Variants in ZDHHC14 observed in about 807,000 individuals in gnomAD.
ZDHHC14 encodes palmitoyltransferase ZDHHC14.
ZDHHC14 carries 16 observed loss-of-function variants against 47.7 expected under a neutral mutation model. The observed-to-expected ratio is 0.34, with a 90% CI of 0.23 to 0.51. The LOEUF (loss-of-function observed/expected upper bound fraction) is 0.51. Ranked by LOEUF, ZDHHC14 falls within the 20% of genes least tolerant of loss-of-function variation. The pLI, the probability that ZDHHC14 is intolerant of heterozygous loss-of-function variation, is 0.97. For missense variants in ZDHHC14, 515 were observed against 662.5 expected (o/e 0.78, Z 2.44); for synonymous variants, 293 against 278.9 (o/e 1.05, Z -0.50).
intron 2 of ZDHHC14, among the ~76,000 whole-genome samples, chr6:157,551,064 C>T (rs1408129771): frequency 2.0e-5 from 3 of 152,114 alleles, no homozygotes; most frequent in Non-Finnish European, 4.4e-5. Context: ...CTTGGGACCA[C>T]ATGCATGGTT....
chr6:157,448,450 C>G lies in ZDHHC14; in HGVS notation c.245+66184C>G, dbSNP rs563409003. ...TCATTTTGATCAATATTCAGTTCAT[C>G]TCAACAATTAATATTTTTTCAGTCT... On this transcript the variant is annotated intron_variant, in intron 1 of 8. Transcript: ENST00000359775. Among the ~76,000 whole-genome samples, 7 of 152,292 alleles carry G rather than the reference C, an allele frequency of 4.6e-5. No homozygotes were observed. In the South Asian group the frequency reaches 1.4e-3, roughly 32 times the overall value.
At chr6:157,419,711 G>T (rs1004061681) in intron 1 of ZDHHC14, among the ~76,000 whole-genome samples, 1 of 152,128 alleles carries the variant, frequency 6.6e-6, no homozygotes. Flanking sequence ...TATACCTAAC[G>T]AAGGACATCT....
chr6:157,460,820 G>C (rs1779063365), intron 1 of ZDHHC14, among the ~76,000 whole-genome samples: 1 of 152,212 alleles, frequency 6.6e-6, no homozygotes, highest in Admixed American at 6.5e-5. Context: ...CAGGCGAGGA[G>C]GGTTTCCCTG....
At chr6:157,498,897 G>C (rs1277711121) in intron 1 of ZDHHC14, among the ~76,000 whole-genome samples, 2 of 152,154 alleles carry the variant, frequency 1.3e-5, no homozygotes, top group Admixed American at 6.5e-5. Context: ...TGAGTTCAGT[G>C]GTTGTTATGC....
At chr6:157,669,943 CA>C (rs1288825078) in intron 8 of ZDHHC14, among the ~76,000 whole-genome samples, 1 of 152,252 alleles carries the variant, frequency 6.6e-6, no homozygotes, top group African/African-American at 2.4e-5. Flanking sequence ...ACATTCTTTG[CA>C]AAGCACAGTC....
intron 2 of ZDHHC14, among the ~76,000 whole-genome samples, chr6:157,543,781 G>A (rs1255434377): frequency 2.0e-5 from 3 of 152,218 alleles, no homozygotes; most frequent in Non-Finnish European, 4.4e-5. Flanking sequence ...CTGCTAGACT[G>A]CAGCTGTCTT....
At chr6:157,458,001 G>A (rs1369017604) in intron 1 of ZDHHC14, among the ~76,000 whole-genome samples, 1 of 152,216 alleles carries the variant, frequency 6.6e-6, no homozygotes, top group African/African-American at 2.4e-5. Context: ...TGCTTAGACT[G>A]GCTTTGCAGG....
At chr6:157,440,475 A>G (rs1392577508) in intron 1 of ZDHHC14, among the ~76,000 whole-genome samples, 1 of 152,230 alleles carries the variant, frequency 6.6e-6, no homozygotes, top group Non-Finnish European at 1.5e-5. Context: ...AAAATATTGC[A>G]GCCACTGTAG....
chr6:157,602,575 A>G (rs138146132), intron 3 of ZDHHC14, among the ~76,000 whole-genome samples: 124 of 151,680 alleles, frequency 8.2e-4, no homozygotes, highest in African/African-American at 2.8e-3. Context: ...GTTTGTCCCT[A>G]TGCTGAGTTG....
intron 1 of ZDHHC14, among the ~76,000 whole-genome samples, chr6:157,479,073 T>C (rs1779556831): frequency 6.6e-6 from 1 of 152,188 alleles, no homozygotes; most frequent in Non-Finnish European, 1.5e-5. Flanking sequence ...ATCACCCACC[T>C]GTCAGAAAGC....
intron 3 of ZDHHC14, among the ~76,000 whole-genome samples, chr6:157,595,788 G>A (rs187833730): frequency 6.6e-6 from 1 of 152,232 alleles, no homozygotes; most frequent in African/African-American, 2.4e-5. Context: ...GAGCCACCAG[G>A]CTATAATAGG....
intron 2 of ZDHHC14, among the ~76,000 whole-genome samples, chr6:157,552,111 G>A (rs771072232): frequency 1.3e-5 from 2 of 152,080 alleles, no homozygotes; most frequent in South Asian, 2.1e-4. Flanking sequence ...GCAAAGCTCC[G>A]TGCACACCCA....
rs567754725 is a variant in ZDHHC14 at position 157,578,788 on chromosome 6, T to C, written c.407-14200T>C. ...GCCCTGTGAAGAAGGTGCCTGCTTC[T>C]CTTTGCCTTCCACCATGATTGTAAA... On this transcript the variant is annotated intron_variant, in intron 2 of 8. Coordinates refer to ENST00000359775, the MANE Select transcript of ZDHHC14 (RefSeq NM_024630.3). 7.0e-4 allele frequency among the ~76,000 whole-genome samples: 106 copies of C among 152,298 alleles called. 1 individual carries two copies. Among genetic ancestry groups the C allele is most frequent in the African/African-American group, 2.5e-3 (102 of 41,560 alleles).
chr6:157,560,794 T>G (rs1272482548), intron 2 of ZDHHC14, among the ~76,000 whole-genome samples: 1 of 152,254 alleles, frequency 6.6e-6, no homozygotes, highest in Admixed American at 6.5e-5. Flanking sequence ...CTTTGTGTTT[T>G]CATCTGGATA....
chr6:157,670,624 C>T (rs1778754423), intron 8 of ZDHHC14, among the ~76,000 whole-genome samples: 1 of 152,108 alleles, frequency 6.6e-6, no homozygotes, highest in African/African-American at 2.4e-5. Context: ...ATGGCCTTTC[C>T]TTTCCTCCAA....
At chr6:157,466,263 C>A (rs1779214551) in intron 1 of ZDHHC14, among the ~76,000 whole-genome samples, 1 of 152,126 alleles carries the variant, frequency 6.6e-6, no homozygotes, top group African/African-American at 2.4e-5. Flanking sequence ...GTTCCCATGG[C>A]AATGCAGGGC....
intron 2 of ZDHHC14, among the ~76,000 whole-genome samples, chr6:157,567,577 A>T (rs1371292902): frequency 6.6e-6 from 1 of 152,088 alleles, no homozygotes; most frequent in Non-Finnish European, 1.5e-5. Flanking sequence ...ACACTTTGGG[A>T]GGTTGAGGCG....
intron 3 of ZDHHC14, among the ~76,000 whole-genome samples, chr6:157,625,436 C>T (rs867363979): frequency 1.3e-5 from 2 of 151,984 alleles, no homozygotes; most frequent in Non-Finnish European, 2.9e-5. Context: ...GAGAGGCCGC[C>T]GTTTTGGAGT....
At chr6:157,627,896 C>G (rs1785502703) in intron 3 of ZDHHC14, among the ~76,000 whole-genome samples, 2 of 152,200 alleles carry the variant, frequency 1.3e-5, no homozygotes, top group South Asian at 4.1e-4. Context: ...GTCCCAGGCC[C>G]CTTGTGGCCT....
Sources: allele counts gnomAD v4.1 joint callset (sites outside exome capture counted in the v4.1 genomes callset), GRCh38; gene constraint gnomAD v4.1.1; transcripts MANE v1.5; gene names NCBI Gene and HGNC (gene_info 2026-07-23, HGNC 2026-07-21).